Variants in MRPS28 observed in about 807,000 individuals in gnomAD.
MRPS28 encodes the protein mitochondrial ribosomal protein S28, also known as small ribosomal subunit protein bS1m.
In MRPS28, 7 loss-of-function variants were observed where a neutral mutation model predicts 10.8. The observed-to-expected ratio is 0.65, with a 90% CI of 0.37 to 1.22. The LOEUF (loss-of-function observed/expected upper bound fraction) is 1.22, where lower values mean the gene tolerates loss of function less well. Among genes scored for constraint, MRPS28 ranks in the 50% most tolerant of loss-of-function variants. The pLI is 0.02. For missense variants in MRPS28, 265 were observed against 232.9 expected (o/e 1.14, Z -0.90); for synonymous variants, 121 against 93.3 (o/e 1.30, Z -1.71).
At chr8:79,986,868 T>A (rs1457236501) in intron 2 of MRPS28, among the ~76,000 whole-genome samples, 1 of 152,074 alleles carries the variant, frequency 6.6e-6, no homozygotes, top group Non-Finnish European at 1.5e-5. Flanking sequence ...ATTTATAGAT[T>A]CAATGCCATC....
At position 80,002,979 on chromosome 8, in the gene MRPS28, T is replaced by C. The variant is rs1237284388; in HGVS notation, c.395+20A>G. ...ACTTTTATGAATACTCTTAAGGTAC[T>C]TGGAAATGATTTTACTTACTCTCCA... is the stretch of plus-strand genomic sequence containing the variant. On this transcript the variant is annotated intron_variant, in intron 2 of 2. Coordinates refer to ENST00000276585, the MANE Select transcript of MRPS28 (RefSeq NM_014018.3). 3.9e-6 allele frequency: 6 copies of C among 1,529,894 alleles called. No individual in the cohort carries two copies. Among genetic ancestry groups the C allele is most frequent in the African/African-American group, 2.8e-5 (2 of 71,866 alleles). 94.8% of individuals were successfully genotyped at this position (1,529,894 alleles called of 1,614,324 possible).
intron 2 of MRPS28, among the ~76,000 whole-genome samples, chr8:79,961,277 C>T (rs1438284674): frequency 6.6e-6 from 1 of 151,956 alleles, no homozygotes; most frequent in Non-Finnish European, 1.5e-5. Context: ...AATTATTTTC[C>T]CTTTTTGACA....
chr8:79,987,594 AC>A (rs1487828116), intron 2 of MRPS28, among the ~76,000 whole-genome samples: 6 of 152,108 alleles, frequency 3.9e-5, no homozygotes, highest in Non-Finnish European at 8.8e-5. Flanking sequence ...AAATCAAACA[AC>A]CCCATCAAAA....
intron 2 of MRPS28, among the ~76,000 whole-genome samples, chr8:79,976,660 C>T (rs561728017): frequency 7.9e-5 from 12 of 152,142 alleles, no homozygotes; most frequent in African/African-American, 2.9e-4. Flanking sequence ...GAGCTGAGAT[C>T]GCGCCACTGC....
chr8:79,933,226 G>T (rs1376014288), intron 2 of MRPS28, among the ~76,000 whole-genome samples: 2 of 152,248 alleles, frequency 1.3e-5, no homozygotes, highest in Admixed American at 1.3e-4. Flanking sequence ...CCAAGATCAA[G>T]GCTCGGGCCA....
intron 2 of MRPS28, among the ~76,000 whole-genome samples, chr8:79,927,304 C>A (rs140540054): frequency 0.01 from 1,569 of 152,310 alleles, 17 homozygotes; most frequent in African/African-American, 0.015. Flanking sequence ...GAGAACATAA[C>A]ACTTGCTCCA....
intron 2 of MRPS28, among the ~76,000 whole-genome samples, chr8:79,947,656 A>T: frequency 9.3e-6 from 1 of 107,100 alleles, no homozygotes; most frequent in African/African-American, 4.7e-5. Context: ...TTTTTTTGAG[A>T]CGGAGTCTCG....
intron 2 of MRPS28, among the ~76,000 whole-genome samples, chr8:79,985,180 G>T (rs1200242162): frequency 6.6e-6 from 1 of 152,106 alleles, no homozygotes; most frequent in East Asian, 1.9e-4. Flanking sequence ...TGACTACTGG[G>T]TACATAACGA....
intron 1 of MRPS28, among the ~76,000 whole-genome samples, chr8:80,007,807 T>C (rs571434823): frequency 6.6e-6 from 1 of 152,188 alleles, no homozygotes; most frequent in African/African-American, 2.4e-5. Context: ...TCCATGCTCA[T>C]GAATAGGAAG....
Position 79,919,945 on chromosome 8 carries a change from C to CCCTCCCT in MRPS28, c.396-798_396-797insAGGGAGG, listed in dbSNP as rs1332250433. On this transcript the variant is annotated intron_variant, in intron 2 of 2. Coordinates refer to ENST00000276585, the MANE Select transcript of MRPS28 (RefSeq NM_014018.3). ...TATATCTCCTAATGCTATCCCTCCC[C>CCCTCCCT]CCACCCCATAACAGGCCCCGGTGTG... 3.3e-3 allele frequency among the ~76,000 whole-genome samples: 388 copies of CCCTCCCT among 116,604 alleles called. 19 individuals carry two copies. The East Asian group carries it at 0.09, about 27-fold the overall frequency. 76.5% of individuals were successfully genotyped at this position (116,604 alleles called of 152,430 possible).
intron 2 of MRPS28, among the ~76,000 whole-genome samples, chr8:79,950,252 T>C (rs1453612061): frequency 6.6e-6 from 1 of 152,218 alleles, no homozygotes; most frequent in Non-Finnish European, 1.5e-5. Context: ...TGGTAATCTT[T>C]AAGAAGTTTG....
chr8:79,920,956 A>G (rs1282546246), intron 2 of MRPS28, among the ~76,000 whole-genome samples: 2 of 152,126 alleles, frequency 1.3e-5, no homozygotes, highest in Admixed American at 6.5e-5. Flanking sequence ...ATCTTGAATT[A>G]ATTTTTGTAT....
intron 2 of MRPS28, among the ~76,000 whole-genome samples, chr8:79,935,074 T>C (rs1292153215): frequency 6.6e-6 from 1 of 152,262 alleles, no homozygotes; most frequent in Non-Finnish European, 1.5e-5. Flanking sequence ...GAGTGTGTTA[T>C]TAGCCAGGCT....
chr8:79,967,694 G>A (rs1277962492), intron 2 of MRPS28, among the ~76,000 whole-genome samples: 1 of 152,086 alleles, frequency 6.6e-6, no homozygotes, highest in Non-Finnish European at 1.5e-5. Flanking sequence ...CATTGCCTGG[G>A]GCTTTGTGTA....
intron 1 of MRPS28, among the ~76,000 whole-genome samples, chr8:80,021,071 C>A (rs964895781): frequency 1.3e-5 from 2 of 150,792 alleles, no homozygotes; most frequent in Non-Finnish European, 2.9e-5. Context: ...GGCACAATCT[C>A]GACTCACTGC....
intron 2 of MRPS28, among the ~76,000 whole-genome samples, chr8:79,989,741 CAGA>C (rs1419997572): frequency 3.9e-5 from 6 of 152,110 alleles, no homozygotes; most frequent in Non-Finnish European, 7.3e-5. Flanking sequence ...CTGATAAAGG[CAGA>C]AGATCAAGGC....
chr8:79,984,767 T>A (rs894648220), intron 2 of MRPS28, among the ~76,000 whole-genome samples: 10 of 152,124 alleles, frequency 6.6e-5, no homozygotes, highest in African/African-American at 2.4e-4. Flanking sequence ...GCACCCAGAT[T>A]CATAAAGCAA....
chr8:80,007,956 C>T (rs553645370), intron 1 of MRPS28, among the ~76,000 whole-genome samples: 6 of 152,232 alleles, frequency 3.9e-5, no homozygotes, highest in Non-Finnish European at 8.8e-5. Flanking sequence ...AAAGAGCCCG[C>T]ATTGCCAAGT....
chr8:79,994,529 G>A (rs1353177700), intron 2 of MRPS28, among the ~76,000 whole-genome samples: 2 of 151,898 alleles, frequency 1.3e-5, no homozygotes, highest in African/African-American at 4.8e-5. Context: ...CAACTATTCA[G>A]TCACCAAGAC....
Sources: allele counts gnomAD v4.1 joint callset (sites outside exome capture counted in the v4.1 genomes callset), GRCh38; gene constraint gnomAD v4.1.1; transcripts MANE v1.5; gene names NCBI Gene and HGNC (gene_info 2026-07-23, HGNC 2026-07-21).